DLST: variants seen among roughly 807,000 people sequenced by gnomAD.
The protein encoded by DLST is dihydrolipoamide S-succinyltransferase, also known as dihydrolipoyllysine-residue succinyltransferase component of 2-oxoglutarate dehydrogenase complex, mitochondrial.
DLST carries 17 observed loss-of-function variants against 53.1 expected under a neutral mutation model. The ratio of observed to expected loss-of-function variants is 0.32; its 90% CI spans 0.22 to 0.48. DLST has a LOEUF of 0.48. Among genes scored for constraint, DLST ranks in the 20% least tolerant of loss-of-function variants. The pLI is 0.99. For missense variants in DLST, 512 were observed against 583.9 expected (o/e 0.88, Z 1.27); for synonymous variants, 206 against 204.8 (o/e 1.01, Z -0.05).
At chr14:74,893,311 CT>C (rs1883972121) in intron 8 of DLST, 36 bp from the exon 9 acceptor site, 1 of 1,611,642 alleles carries the variant, frequency 6.2e-7, no homozygotes. Flanking sequence ...TGTTTCTTTC[CT>C]TGTCTGATGC....
intron 9 of DLST, 147 bp from the exon 10 acceptor site, chr14:74,894,165 C>T: frequency 3.4e-6 from 3 of 892,404 alleles, no homozygotes; most frequent in East Asian, 2.8e-5. Context: ...AGGGCCACCA[C>T]AGGAAAGGGA....
intron 3 of DLST, among the ~76,000 whole-genome samples, chr14:74,887,176 G>C (rs1294672937): frequency 6.6e-6 from 1 of 150,668 alleles, no homozygotes; most frequent in Non-Finnish European, 1.5e-5. Context: ...GCAAGGGATT[G>C]GCTAAACTAT....
At chr14:74,891,855 G>A (rs1043597034) in intron 7 of DLST, 8 of 985,414 alleles carry the variant, frequency 8.1e-6, no homozygotes, top group Non-Finnish European at 9.6e-6. Flanking sequence ...GGTTAGTCAG[G>A]CAAGACCAGA....
chr14:74,881,926 T>G lies in DLST; in HGVS notation c.-28T>G, dbSNP rs1566786970. On this transcript the variant is annotated 5_prime_UTR_variant, in exon 1 of 15. Coordinates refer to ENST00000334220, the MANE Select transcript of DLST (RefSeq NM_001933.5). ...TTGTTGTCCGGCCCTATATCCGGTG[T>G]CCGCCCGCCCTCGGCTCCTCCGCCG... 2 of 1,520,690 alleles carry G rather than the reference T, an allele frequency of 1.3e-6. No individual in the cohort carries two copies. Among genetic ancestry groups the G allele is most frequent in the South Asian group, 2.4e-5 (2 of 82,480 alleles). 94.2% of individuals were successfully genotyped at this position (1,520,690 alleles called of 1,614,324 possible).
intron 10 of DLST, among the ~76,000 whole-genome samples, chr14:74,894,681 G>A (rs944742595): frequency 1.3e-5 from 2 of 152,052 alleles, no homozygotes; most frequent in Non-Finnish European, 2.9e-5. Flanking sequence ...GAGTAGCTGG[G>A]AATACAGGCG....
At chr14:74,883,748 G>T (rs1883612559) in intron 2 of DLST, among the ~76,000 whole-genome samples, 1 of 152,120 alleles carries the variant, frequency 6.6e-6, no homozygotes, top group South Asian at 2.1e-4. Context: ...CTTGGCCATG[G>T]TCACCCACCC....
intron 1 of DLST, 104 bp downstream of exon 1, chr14:74,882,120 C>A: frequency 1.8e-6 from 2 of 1,126,866 alleles, no homozygotes; most frequent in South Asian, 2.4e-5. Context: ...GGCCGGGCAC[C>A]AAGGGCACTG....
rs771125023 is a variant in DLST at position 74,892,855 on chromosome 14, C to T, written c.464C>T (p.Pro155Leu). 1.9e-5 allele frequency: 30 copies of T among 1,612,642 alleles called. No individual in the cohort carries two copies. Among genetic ancestry groups the T allele is most frequent in the South Asian group, 4.4e-5 (4 of 90,910 alleles). Residue 155 changes from proline (P) to leucine (L), a missense_variant, in exon 8 of 15, where the codon CCG becomes CTG. By Grantham distance (98) the Pro-to-Leu change is moderately conservative (BLOSUM62 -3). Transcript: ENST00000334220. ...KTGAAPAKAK[P>L]AEAPAAAAPK... ...TCAGCTGCTCCTGCTAAGGCCAAGCCGGCTGAAGCTCCTGCTGCTGCAGCC... is the reference window on the plus strand; with the variant it reads ...TCAGCTGCTCCTGCTAAGGCCAAGCTGGCTGAAGCTCCTGCTGCTGCAGCC...
rs1298629908 is a variant in DLST, at chr14:74,901,090, G to C, written c.1084G>C (p.Glu362Gln). ...GGCCCGAAAGAATGAACTTGCCATT[G>C]AAGATATGGATGGCGGTACCTTCAC... is the stretch of plus-strand genomic sequence containing the variant. ...EKARKNELAI[E>Q]DMDGGTFTIS... Residue 362 changes from glutamate (E) to glutamine (Q), a missense_variant, in exon 14 of 15, where the codon GAA becomes CAA. Physicochemically the swap from Glu to Gln is conservative, Grantham distance 29 (BLOSUM62 2). Transcript: ENST00000334220. The C allele has an allele frequency of 1.9e-6, 3 of 1,613,730 alleles. No homozygotes were observed. In the South Asian group the frequency reaches 3.3e-5, roughly 18 times the overall value.
At position 74,899,275 on chromosome 14, in the gene DLST, G is replaced by A. The variant is rs142051641; in HGVS notation, c.902-648G>A. Among the ~76,000 whole-genome samples the A allele has an allele frequency of 8.1e-4, 123 of 151,920 alleles. 1 individual carries two copies. The highest frequency in any genetic ancestry group is 2.9e-3 in the African/African-American group (122 of 41,390). Reference sequence around the variant, plus strand: ...CTTCTGCTTGCCCACACATGTAGGCGGCTCTCAAAAGTTCTCGTGGCCTCT... The same window carrying A: ...CTTCTGCTTGCCCACACATGTAGGCAGCTCTCAAAAGTTCTCGTGGCCTCT... On this transcript the variant is annotated intron_variant, in intron 11 of 14. Transcript: ENST00000334220.
chr14:74,903,648 A>C lies in DLST; in HGVS notation c.*1318A>C, dbSNP rs1166064265. The C allele has an allele frequency of 1.3e-5, 2 of 152,128 alleles. No individual in the cohort carries two copies. Among genetic ancestry groups the C allele is most frequent in the African/African-American group, 4.8e-5 (2 of 41,428 alleles). The allele number at this position is 152,128 out of a possible 1,614,324, so 9.4% of individuals were successfully genotyped here. On this transcript the variant is annotated 3_prime_UTR_variant, in exon 15 of 15. Coordinates refer to ENST00000334220, the MANE Select transcript of DLST (RefSeq NM_001933.5). ...GTGGGAGCCAATACTGAGTGCCTGC[A>C]GCATCTACTACTCTGTCTTCACTAT...
At chr14:74,883,858 C>T (rs1195483321) in intron 2 of DLST, among the ~76,000 whole-genome samples, 1 of 152,166 alleles carries the variant, frequency 6.6e-6, no homozygotes, top group Non-Finnish European at 1.5e-5. Flanking sequence ...TGAGTGCTTA[C>T]TATATGCCAG....
intron 7 of DLST, chr14:74,891,435 A>T (rs1883903794): frequency 3.6e-6 from 4 of 1,108,876 alleles, no homozygotes; most frequent in South Asian, 3.3e-5. Context: ...CTTTTCTTAT[A>T]GATATACAGA....
Position 74,900,319 on chromosome 14 carries a change from G to A in DLST, c.1006G>A (p.Glu336Lys). The A allele has an allele frequency of 6.2e-7, 1 of 1,613,998 alleles. No homozygotes were observed. The highest frequency in any genetic ancestry group is 8.5e-7 in the Non-Finnish European group (1 of 1,179,926). ...GGTGGTTCCAGTCATCAGGAATGTGGAAGCTATGAATTTTGCAGATATTGA... is the reference window on the plus strand; with the variant it reads ...GGTGGTTCCAGTCATCAGGAATGTGAAAGCTATGAATTTTGCAGATATTGA... ...GLVVPVIRNV[E>K]AMNFADIERT... is the part of the protein sequence containing the mutation. Residue 336 changes from glutamate (E) to lysine (K), a missense_variant, in exon 13 of 15, where the codon GAA becomes AAA. Physicochemically the swap from Glu to Lys is moderately conservative, Grantham distance 56. This residue lies in a region of DLST where 186 missense variants were observed against 260.4 expected (regional missense o/e 0.71). Transcript: ENST00000334220.
At chr14:74,896,938 C>A (rs17093914) in intron 10 of DLST, among the ~76,000 whole-genome samples, 1 of 152,022 alleles carries the variant, frequency 6.6e-6, no homozygotes, top group South Asian at 2.1e-4. Flanking sequence ...TGGTTTAGAT[C>A]GAGTGCCCTT....
At chr14:74,900,990 C>A in intron 13 of DLST, 76 bp from the exon 14 acceptor site, 4 of 1,529,506 alleles carry the variant, frequency 2.6e-6, no homozygotes, top group Non-Finnish European at 2.7e-6. Context: ...CCTCCCAAAG[C>A]GCTGGGATTA....
In DLST at chr14:74,901,166, A is replaced by AC; in HGVS notation, c.1166dup (p.Gln390SerfsTer12). 6.2e-7 allele frequency: 1 copy of AC among 1,613,800 alleles called. No individual in the cohort carries two copies. The highest frequency in any genetic ancestry group is 8.5e-7 in the Non-Finnish European group (1 of 1,179,928). On this transcript the variant is annotated frameshift_variant, in exon 14 of 15. Coordinates refer to ENST00000334220, the MANE Select transcript of DLST (RefSeq NM_001933.5). LOFTEE classifies it high-confidence loss of function. Reference sequence around the variant, plus strand: ...TCGCTCTTTGGAACACCCATTATCAACCCCCCTCAGTCTGCCATCCTGGGG... The same window carrying AC: ...TCGCTCTTTGGAACACCCATTATCAACCCCCCCTCAGTCTGCCATCCTGGGG...
rs1177861011 is a variant in DLST, at chr14:74,891,098, G to A, written c.373G>A (p.Ala125Thr). The A allele has an allele frequency of 6.2e-7, 1 of 1,613,848 alleles. No homozygotes were observed. Among genetic ancestry groups the A allele is most frequent in the African/African-American group, 1.3e-5 (1 of 74,932 alleles). ...VPSPANGVIEALLVPDGGKVE... is the reference protein window; with the variant it reads ...VPSPANGVIETLLVPDGGKVE... ...ATCACCAGCAAATGGCGTGATTGAA[G>A]CTCTTTTGGTACCTGATGGGGGAAA... The change falls in exon 7 of 15, where the codon GCT (alanine) becomes ACT (threonine). Residue 125 changes from alanine (A) to threonine (T), a missense_variant. Ala to Thr is a moderately conservative substitution (Grantham distance 58). Transcript: ENST00000334220.
chr14:74,885,388 C>A (rs1883666875), intron 2 of DLST, among the ~76,000 whole-genome samples, 198 bp from the exon 3 acceptor site: 1 of 152,194 alleles, frequency 6.6e-6, no homozygotes, highest in South Asian at 2.1e-4. Flanking sequence ...CCCACTCGAT[C>A]TCACATACCC....
Sources: allele counts gnomAD v4.1 joint callset (sites outside exome capture counted in the v4.1 genomes callset), GRCh38; gene constraint gnomAD v4.1.1; regional missense constraint gnomAD v4.1.1; transcripts MANE v1.5; gene names NCBI Gene and HGNC (gene_info 2026-07-23, HGNC 2026-07-21).